The following RAB11FIP5 variants were observed in gnomAD, a reference collection of about 807,000 sequenced individuals.
The protein encoded by RAB11FIP5 is RAB11 family interacting protein 5.
In RAB11FIP5, 48 loss-of-function variants were observed where a neutral mutation model predicts 85.1. That is an observed-to-expected ratio of 0.56 (90% confidence interval 0.45 to 0.72). The LOEUF is 0.72. Among genes scored for constraint, RAB11FIP5 ranks in the 30% least tolerant of loss-of-function variants. The pLI is 0.00. For missense variants in RAB11FIP5, 1,491 were observed against 1,687.0 expected (o/e 0.88, Z 2.04); for synonymous variants, 729 against 727.3 (o/e 1.00, Z -0.04).
At chr2:73,101,303 C>T (rs535951716) in intron 1 of RAB11FIP5, among the ~76,000 whole-genome samples, 11 of 151,584 alleles carry the variant, frequency 7.3e-5, no homozygotes, top group East Asian at 1.9e-4. Context: ...AACGGAGGGG[C>T]GGGAACTTCC....
intron 1 of RAB11FIP5, among the ~76,000 whole-genome samples, chr2:73,111,063 C>T (rs1056958910): frequency 6.6e-6 from 1 of 152,058 alleles, no homozygotes; most frequent in African/African-American, 2.4e-5. Flanking sequence ...CACACCCTGC[C>T]ACCAAACAGC....
chr2:73,111,951 A>G (rs1484628429), intron 1 of RAB11FIP5, among the ~76,000 whole-genome samples: 1 of 152,156 alleles, frequency 6.6e-6, no homozygotes, highest in Non-Finnish European at 1.5e-5. Context: ...CCCCTGCCGG[A>G]CAGGCGCCCG....
chr2:73,098,358 C>A (rs1684363761), intron 1 of RAB11FIP5, among the ~76,000 whole-genome samples: 1 of 152,180 alleles, frequency 6.6e-6, no homozygotes, highest in Non-Finnish European at 1.5e-5. Flanking sequence ...TACAAATATT[C>A]CAAAATCCAA....
At position 73,080,924 on chromosome 2, in the gene RAB11FIP5, G is replaced by A. The variant is rs1416262505; in HGVS notation, c.2308C>T (p.Leu770=). The change falls in exon 4 of 6, where the codon CTG becomes TTG. Residue 770 remains leucine, a synonymous_variant. Coordinates refer to ENST00000486777, the MANE Select transcript of RAB11FIP5 (RefSeq NM_001371272.1). ...CCTGCTTCCACTTCCGGGGCTGGCA[G>A]TTCCCTGTCTGGTTCTGAGCCTGAG... ...RASGSEPDRE[L]PAPEVEAGQS... 6 of 1,232,622 alleles carry A rather than the reference G, an allele frequency of 4.9e-6. No homozygotes were observed. Among genetic ancestry groups the A allele is most frequent in the Non-Finnish European group, 6.1e-6 (6 of 988,436 alleles). The allele number at this position is 1,232,622 out of a possible 1,614,324, so 76.4% of individuals were successfully genotyped here.
At chr2:73,082,348 G>A (rs1304663273) in intron 3 of RAB11FIP5, among the ~76,000 whole-genome samples, 1 of 152,132 alleles carries the variant, frequency 6.6e-6, no homozygotes, top group African/African-American at 2.4e-5. Flanking sequence ...AGCTGGCATG[G>A]GGGGATAAAG....
chr2:73,098,786 C>T (rs138914278), intron 1 of RAB11FIP5, among the ~76,000 whole-genome samples: 1 of 152,262 alleles, frequency 6.6e-6, no homozygotes, highest in Non-Finnish European at 1.5e-5. Context: ...TTTATTTCCC[C>T]TAATCTCTAA....
At position 73,086,240 on chromosome 2, in the gene RAB11FIP5, C is replaced by T. The variant is rs1684088512; in HGVS notation, c.1568+1810G>A. 6.6e-6 allele frequency among the ~76,000 whole-genome samples: 1 copy of T among 152,218 alleles called. No individual in the cohort carries two copies. Among genetic ancestry groups the T allele is most frequent in the African/African-American group, 2.4e-5 (1 of 41,454 alleles). On this transcript the variant is annotated intron_variant, in intron 3 of 5. Transcript: ENST00000486777. The surrounding 1 kb of genome is among the most constrained non-coding windows in gnomAD (Gnocchi z 4.4). ...TGCAGCCGCCACCTGCAAATAGGCCCCATCTTGGGAGGGATGCTGAGTGCC... is the reference window on the plus strand; with the variant it reads ...TGCAGCCGCCACCTGCAAATAGGCCTCATCTTGGGAGGGATGCTGAGTGCC...
In RAB11FIP5 at chr2:73,089,477, CA is replaced by C. The variant is rs1304935138; in HGVS notation, c.432-163del. ...CCCATCGGCCTGGGCTTCCAGGCTT[CA>C]GATGCAGCTGAGAAACTATCCAAAA... On this transcript the variant is annotated intron_variant, in intron 1 of 5. Coordinates refer to ENST00000486777, the MANE Select transcript of RAB11FIP5 (RefSeq NM_001371272.1). This position sits in a 1 kb window ranked among gnomAD's most constrained non-coding sequence, Gnocchi z 4.6. The C allele has an allele frequency of 1.3e-6, 1 of 768,046 alleles. No homozygotes were observed. The highest frequency in any genetic ancestry group is 1.9e-5 in the Admixed American group (1 of 51,880). 47.6% of individuals were successfully genotyped at this position (768,046 alleles called of 1,614,324 possible).
intron 1 of RAB11FIP5, among the ~76,000 whole-genome samples, chr2:73,106,426 C>T (rs1043664872): frequency 6.6e-6 from 1 of 152,166 alleles, no homozygotes; most frequent in Non-Finnish European, 1.5e-5. Flanking sequence ...CTGTCTAGGC[C>T]CCAAAACACA....
Position 73,091,403 on chromosome 2 carries a change from C to T in RAB11FIP5, c.432-2088G>A, listed in dbSNP as rs552193520. ...ATAAAGCCCGGTGGTAGTGGTCAGG[C>T]TGGTCACTAAAGGGCTCAAAGTCCC... On this transcript the variant is annotated intron_variant, in intron 1 of 5. Coordinates refer to ENST00000486777, the MANE Select transcript of RAB11FIP5 (RefSeq NM_001371272.1). Among the ~76,000 whole-genome samples the T allele has an allele frequency of 2.6e-5, 4 of 152,186 alleles. No homozygotes were observed. The East Asian group carries it at 7.7e-4, about 29-fold the overall frequency.
chr2:73,093,189 C>T (rs1320687012), intron 1 of RAB11FIP5, among the ~76,000 whole-genome samples: 1 of 152,218 alleles, frequency 6.6e-6, no homozygotes, highest in Non-Finnish European at 1.5e-5. Context: ...CTGAGCACCT[C>T]ATCCCTAGAG....
intron 1 of RAB11FIP5, among the ~76,000 whole-genome samples, chr2:73,100,334 G>A (rs1684402497): frequency 6.6e-6 from 1 of 151,932 alleles, no homozygotes; most frequent in South Asian, 2.1e-4. Context: ...AGCCTTCAAT[G>A]ACTGGTATCA....
At chr2:73,091,502 T>C (rs922464043) in intron 1 of RAB11FIP5, among the ~76,000 whole-genome samples, 1 of 152,018 alleles carries the variant, frequency 6.6e-6, no homozygotes, top group African/African-American at 2.4e-5. Context: ...CCGCAGTCAG[T>C]GATGCAGGAT....
rs569691441 is a variant in RAB11FIP5, at chr2:73,088,444, G to C, written c.1174C>G (p.Arg392Gly). 1 of 1,613,758 alleles carries C rather than the reference G, an allele frequency of 6.2e-7. No homozygotes were observed. The change falls in exon 3 of 6, where the codon CGT (arginine) becomes GGT (glycine). Residue 392 changes from arginine to glycine, a missense_variant. Arg to Gly is a moderately radical substitution (Grantham distance 125, BLOSUM62 -2). This residue lies in a region of RAB11FIP5 where 1,211 missense variants were observed against 1,338.0 expected (regional missense o/e 0.91). Transcript: ENST00000486777. ...STDDTWPRGS[R>G]SNSSSEAVLG... is the part of the protein sequence containing the mutation. ...ACTGCCTCTGAGCTGCTGTTGCTAC[G>C]ACTGCCTCTGGGCCAGGTGTCATCT...
intron 3 of RAB11FIP5, among the ~76,000 whole-genome samples, chr2:73,087,248 C>G (rs1684109243): frequency 6.6e-6 from 1 of 152,218 alleles, no homozygotes; most frequent in Non-Finnish European, 1.5e-5. Flanking sequence ...CCTGGAGCCC[C>G]TCTCTGGACC....
chr2:73,098,514 T>G (rs1386693907), intron 1 of RAB11FIP5, among the ~76,000 whole-genome samples: 1 of 152,164 alleles, frequency 6.6e-6, no homozygotes, highest in African/African-American at 2.4e-5. Context: ...TCAGCAGGTG[T>G]GAGCACTGAG....
chr2:73,101,895 A>G (rs771234760), intron 1 of RAB11FIP5, among the ~76,000 whole-genome samples: 50 of 152,188 alleles, frequency 3.3e-4, no homozygotes, highest in Non-Finnish European at 5.9e-4. Flanking sequence ...CTCTGCTCCA[A>G]TGTTCCCCAA....
chr2:73,093,511 G>C (rs2106115125), intron 1 of RAB11FIP5, among the ~76,000 whole-genome samples: 1 of 152,344 alleles, frequency 6.6e-6, no homozygotes, highest in Non-Finnish European at 1.5e-5. Flanking sequence ...TGCATGCACA[G>C]TCTGGAGCTG....
intron 1 of RAB11FIP5, among the ~76,000 whole-genome samples, chr2:73,097,288 C>T (rs963267540): frequency 8.5e-5 from 13 of 152,070 alleles, no homozygotes; most frequent in African/African-American, 1.9e-4. Context: ...CCACCCGCCT[C>T]GGCCTCCCAA....
Sources: gnomAD v4.1 joint callset for allele counts (sites outside exome capture counted in the v4.1 genomes callset) on GRCh38, gnomAD v4.1.1 for gene constraint, gnomAD v4.1.1 regional missense constraint, Gnocchi (gnomAD v3.1) non-coding constraint, MANE v1.5 for transcripts, NCBI Gene and HGNC (gene_info 2026-07-23, HGNC 2026-07-21) for gene names.